Variants in ANK2 observed in about 807,000 individuals in gnomAD.
The protein encoded by ANK2 is ankyrin-2.
ANK2 carries 83 observed loss-of-function variants against 360.5 expected under a neutral mutation model. That is an observed-to-expected ratio of 0.23 (90% CI 0.19 to 0.28). The LOEUF is 0.28. Ranked by LOEUF, ANK2 falls within the 10% of genes least tolerant of loss-of-function variation. The pLI is 1.00. For missense variants in ANK2, 4,201 were observed against 4,795.7 expected (o/e 0.88, Z 3.66); for synonymous variants, 1,740 against 1,759.5 (o/e 0.99, Z 0.28).
At chr4:112,778,905 C>T in the ANK2 span, among the ~76,000 whole-genome samples, 4 of 152,160 alleles carry the variant, frequency 2.6e-5, no homozygotes, top group Non-Finnish European at 5.9e-5. Context: ...TAGTGCTTTC[C>T]ACTGATTTCT....
chr4:113,007,435 A>G (rs755255349), intron 2 of ANK2, among the ~76,000 whole-genome samples: 1 of 152,206 alleles, frequency 6.6e-6, no homozygotes, highest in Admixed American at 6.5e-5. Context: ...CAGCAGTTCC[A>G]TTACAGGATA....
intron 37 of ANK2, among the ~76,000 whole-genome samples, chr4:113,351,575 AT>A: frequency 6.6e-6 from 1 of 152,076 alleles, no homozygotes. Flanking sequence ...GCCCTCACTG[AT>A]TCCTTTTTTT....
intron 26 of ANK2, among the ~76,000 whole-genome samples, chr4:113,328,649 C>CT (rs759497081): frequency 1.3e-4 from 20 of 152,268 alleles, no homozygotes; most frequent in Middle Eastern, 6.8e-3. Context: ...TTCCTGAAAA[C>CT]TTTAAGCGGG....
intron 1 of ANK2, among the ~76,000 whole-genome samples, chr4:113,094,483 A>G (rs1174597621): frequency 6.6e-6 from 1 of 152,100 alleles, no homozygotes; most frequent in Non-Finnish European, 1.5e-5. Flanking sequence ...AGAGGACCAG[A>G]AGGAATTTAT....
intron 1 of ANK2, chr4:113,117,122 G>A: frequency 2.7e-6 from 1 of 367,452 alleles, no homozygotes; most frequent in African/African-American, 2.1e-5. Context: ...GCTGGAGCAA[G>A]ATTATGACCT....
rs1046536139 is a variant in ANK2 at position 113,206,088 on chromosome 4, T to A, written c.384+6979T>A. ...GTTCTTTTTTCCTCTTTTTTAAAAT[T>A]TAATTTAAATTTATTTTAAGTTCCA... On this transcript the variant is annotated intron_variant, in intron 4 of 45. Transcript: ENST00000357077. 1.4e-4 allele frequency among the ~76,000 whole-genome samples: 21 copies of A among 152,226 alleles called. 1 individual carries two copies. Among genetic ancestry groups the A allele is most frequent in the African/African-American group, 4.6e-4 (19 of 41,458 alleles).
At chr4:113,278,639 TG>T (rs1477890225) in intron 17 of ANK2, 81 bp downstream of exon 17, 1 of 1,379,548 alleles carries the variant, frequency 7.2e-7, no homozygotes, top group East Asian at 2.3e-5. Context: ...TTTAAACACA[TG>T]GTATAGTATA....
the ANK2 span, among the ~76,000 whole-genome samples, chr4:112,743,865 T>C: frequency 6.6e-6 from 1 of 150,726 alleles, no homozygotes; most frequent in African/African-American, 2.4e-5. Context: ...TCTTTTTTTT[T>C]CTCCACCCAG....
rs982868868 is a variant in ANK2, at chr4:113,006,280, T to A, written c.21+101766T>A. 3.9e-5 allele frequency among the ~76,000 whole-genome samples: 6 copies of A among 152,074 alleles called. No individual in the cohort carries two copies. In the East Asian group the frequency reaches 1.2e-3, roughly 29 times the overall value. ...GTTACAAACACATCTACCTCATAAA[T>A]ACATAAATTATTATATATCAATAAA... On this transcript the variant is annotated intron_variant, in intron 2 of 30. Transcript: ENST00000503271.
intron 22 of ANK2, among the ~76,000 whole-genome samples, chr4:113,300,113 A>T (rs1435961349): frequency 1.3e-5 from 2 of 152,160 alleles, no homozygotes. Context: ...GAGTTTGTTC[A>T]TTCAACAAAT....
intron 1 of ANK2, among the ~76,000 whole-genome samples, chr4:113,051,592 C>T (rs1454926743): frequency 6.6e-6 from 1 of 152,048 alleles, no homozygotes; most frequent in African/African-American, 2.4e-5. Flanking sequence ...AGGAGTTTCA[C>T]CTAAAAGAAA....
intron 23 of ANK2, among the ~76,000 whole-genome samples, chr4:113,310,429 T>C (rs1394022418): frequency 6.6e-6 from 1 of 152,100 alleles, no homozygotes; most frequent in African/African-American, 2.4e-5. Flanking sequence ...GCAGACTTTT[T>C]TTTTTTTAGA....
intron 4 of ANK2, among the ~76,000 whole-genome samples, chr4:113,226,702 A>G (rs556609225): frequency 6.6e-6 from 1 of 152,166 alleles, no homozygotes; most frequent in East Asian, 1.9e-4. Context: ...CTAGCAGTGA[A>G]AAGTCACCAA....
chr4:113,113,570 C>T (rs2094496786), intron 1 of ANK2, among the ~76,000 whole-genome samples: 1 of 152,198 alleles, frequency 6.6e-6, no homozygotes, highest in Non-Finnish European at 1.5e-5. Context: ...TGCTCCTTAC[C>T]TTTGAAGGCA....
At chr4:112,907,834 T>A (rs1205632680) in intron 2 of ANK2, among the ~76,000 whole-genome samples, 1 of 152,178 alleles carries the variant, frequency 6.6e-6, no homozygotes, top group East Asian at 1.9e-4. Context: ...AGCCAAGCCC[T>A]TCTTTTAATT....
intron 2 of ANK2, among the ~76,000 whole-genome samples, chr4:112,909,603 G>A (rs978361175): frequency 1.4e-4 from 21 of 151,992 alleles, no homozygotes; most frequent in African/African-American, 4.3e-4. Flanking sequence ...ACTCTTTTCT[G>A]TCCTTATATG....
At chr4:113,015,110 T>A (rs1023733044) in intron 2 of ANK2, among the ~76,000 whole-genome samples, 3 of 151,894 alleles carry the variant, frequency 2.0e-5, no homozygotes, top group African/African-American at 7.3e-5. Flanking sequence ...CGCCCGCCTC[T>A]GCCTCCCAAA....
the ANK2 span, among the ~76,000 whole-genome samples, chr4:112,810,362 T>C: frequency 7.9e-5 from 12 of 151,826 alleles, no homozygotes; most frequent in Non-Finnish European, 1.6e-4. Flanking sequence ...GCTACAAAAT[T>C]AAATAATTCT....
At chr4:113,268,384 G>A (rs2057093723) in intron 14 of ANK2, among the ~76,000 whole-genome samples, 1 of 152,042 alleles carries the variant, frequency 6.6e-6, no homozygotes, top group Non-Finnish European at 1.5e-5. Flanking sequence ...ATTGGCTGTG[G>A]GTTTGTCATA....
Sources: allele counts gnomAD v4.1 joint callset (sites outside exome capture counted in the v4.1 genomes callset), GRCh38; gene constraint gnomAD v4.1.1; transcripts MANE v1.5; gene names NCBI Gene and HGNC (gene_info 2026-07-23, HGNC 2026-07-21).